The following PCDHA2 variants were observed in gnomAD, a reference collection of about 807,000 sequenced individuals.
PCDHA2 encodes the protein protocadherin alpha 2.
PCDHA2 carries 58 observed loss-of-function variants against 66.0 expected under a neutral mutation model. The ratio of observed to expected loss-of-function variants is 0.88; its 90% CI spans 0.71 to 1.09. The LOEUF (loss-of-function observed/expected upper bound fraction) is 1.09, where lower values mean the gene tolerates loss of function less well. PCDHA2 is among the 50% of genes least tolerant of loss of function. The pLI, the probability that PCDHA2 is intolerant of heterozygous loss-of-function variation, is 0.00. For synonymous variants in PCDHA2, 634 were observed against 554.0 expected (o/e 1.14, Z -2.03); for missense variants, 1,267 against 1,242.3 (o/e 1.02, Z -0.30).
At chr5:140,858,581 T>A in intron 1 of PCDHA2, 1 of 1,350,098 alleles carries the variant, frequency 7.4e-7, no homozygotes, top group Non-Finnish European at 1.0e-6. Flanking sequence ...CTTTGTAATA[T>A]AATTTATTCC....
intron 3 of PCDHA2, among the ~76,000 whole-genome samples, chr5:141,000,383 C>G (rs1324907388): frequency 4.7e-5 from 3 of 63,178 alleles, no homozygotes; most frequent in South Asian, 1.1e-3. Flanking sequence ...CTCTCTCTCT[C>G]TCTCTCTCTC....
intron 1 of PCDHA2, among the ~76,000 whole-genome samples, chr5:140,960,397 G>C (rs1322659184): frequency 6.6e-6 from 1 of 152,102 alleles, no homozygotes; most frequent in African/African-American, 2.4e-5. Flanking sequence ...AGGATGCAAG[G>C]GGGGGTGCCC....
At chr5:140,858,313 G>C (rs781800844) in intron 1 of PCDHA2, 2 of 1,597,108 alleles carry the variant, frequency 1.3e-6, no homozygotes, top group East Asian at 4.5e-5. Context: ...GGCGGCAGAG[G>C]GTGTGTTCTG....
intron 1 of PCDHA2, chr5:140,835,520 T>C (rs2150237441): frequency 5.6e-6 from 9 of 1,613,956 alleles, no homozygotes; most frequent in Non-Finnish European, 6.8e-6. Flanking sequence ...ACCGAGATTT[T>C]GGAGTCAACG....
Position 141,010,090 on chromosome 5 carries a change from C to A in PCDHA2, c.*153C>A. On this transcript the variant is annotated 3_prime_UTR_variant, in exon 4 of 4. Transcript: ENST00000526136. ...AAGTTCCCTGTGTCTGTCTAGAACG[C>A]ATTTAACAGGTTTTGTCGTAAAAGC... 1 of 1,612,636 alleles carries A rather than the reference C, an allele frequency of 6.2e-7. No homozygotes were observed. Among genetic ancestry groups the A allele is most frequent in the Non-Finnish European group, 8.5e-7 (1 of 1,179,276 alleles).
chr5:141,007,812 G>C (rs1446053616), intron 3 of PCDHA2, among the ~76,000 whole-genome samples: 2 of 152,078 alleles, frequency 1.3e-5, no homozygotes, highest in Non-Finnish European at 2.9e-5. Context: ...CCATTCATTT[G>C]CCTTCCCCCA....
At chr5:140,822,931 T>C (rs2150120508) in intron 1 of PCDHA2, 1 of 1,614,276 alleles carries the variant, frequency 6.2e-7, no homozygotes, top group Non-Finnish European at 8.5e-7. Flanking sequence ...GCAGGTGACC[T>C]GCTCCCTAAT....
At chr5:140,884,556 G>T in intron 1 of PCDHA2, 1 of 1,614,154 alleles carries the variant, frequency 6.2e-7, no homozygotes, top group Non-Finnish European at 8.5e-7. Context: ...TCTGGGGAGG[G>T]CCCGCATAAG....
At chr5:140,938,535 T>C (rs1213072173) in intron 1 of PCDHA2, among the ~76,000 whole-genome samples, 2 of 140,516 alleles carry the variant, frequency 1.4e-5, no homozygotes, top group African/African-American at 2.6e-5. Flanking sequence ...ATGGATAATA[T>C]GGATTTTTAT....
intron 1 of PCDHA2, chr5:140,807,781 A>G: frequency 3.7e-6 from 6 of 1,614,152 alleles, no homozygotes; most frequent in Non-Finnish European, 5.1e-6. Flanking sequence ...TATTACGGAA[A>G]TCTTTAGACA....
intron 1 of PCDHA2, chr5:140,927,041 T>G (rs1242687827): frequency 9.9e-6 from 16 of 1,612,338 alleles, no homozygotes; most frequent in Non-Finnish European, 1.0e-5. Context: ...GCGGCCGCTA[T>G]GTCCTCGCGG....
At chr5:140,885,270 A>G (rs251381) in intron 1 of PCDHA2, among the ~76,000 whole-genome samples, 102,023 of 151,894 alleles carry the variant, frequency 0.67, 34,437 homozygotes, top group Middle Eastern at 0.71. Flanking sequence ...ACTCATACAT[A>G]TATATATACA....
rs868958947 is a variant in PCDHA2 at position 140,854,334 on chromosome 5, C to T, written c.2388+56982C>T. On this transcript the variant is annotated intron_variant, in intron 1 of 3. Transcript: ENST00000526136. ...ATTGATCAATGGCAAACTTATTTTA[C>T]GCTCCAGATAGCTAAAACAAACGTT... The T allele has an allele frequency of 4.5e-5, 9 of 198,856 alleles. 1 individual carries two copies. The highest frequency in any genetic ancestry group is 1.9e-4 in the East Asian group (1 of 5,382). The allele number at this position is 198,856 out of a possible 1,614,324, so 12.3% of individuals were successfully genotyped here. A position where few individuals can be genotyped will look rare whatever the true frequency, so the allele number is the denominator to read the frequency against.
chr5:140,827,548 A>AT lies in PCDHA2; in HGVS notation c.2388+30202dup, dbSNP rs2150148168. Among the ~76,000 whole-genome samples, 146 of 152,260 alleles carry AT rather than the reference A, an allele frequency of 9.6e-4. 1 individual carries two copies. Among genetic ancestry groups the AT allele is most frequent in the African/African-American group, 3.4e-3 (141 of 41,546 alleles). On this transcript the variant is annotated intron_variant, in intron 1 of 3. Transcript: ENST00000526136. ...CCAAAATTTGATAATTTTAAGTTAC[A>AT]TTTTTTCCCTAGAGCACTATATAAT...
chr5:140,826,240 A>G (rs1198121014), intron 1 of PCDHA2, among the ~76,000 whole-genome samples: 5 of 152,228 alleles, frequency 3.3e-5, no homozygotes, highest in Admixed American at 2.6e-4. Context: ...AACTATTTAT[A>G]TATCTCTTTA....
intron 1 of PCDHA2, among the ~76,000 whole-genome samples, chr5:140,924,127 A>G (rs2081688492): frequency 6.6e-6 from 1 of 152,252 alleles, no homozygotes; most frequent in African/African-American, 2.4e-5. Flanking sequence ...CTTGCTTAGC[A>G]GCATTAATTT....
At chr5:140,909,812 A>T (rs1353892202) in intron 1 of PCDHA2, among the ~76,000 whole-genome samples, 1 of 151,982 alleles carries the variant, frequency 6.6e-6, no homozygotes, top group Non-Finnish European at 1.5e-5. Context: ...AAAACTCCAT[A>T]AGCCCCTACT....
chr5:140,987,858 T>C (rs1203158352), intron 3 of PCDHA2, among the ~76,000 whole-genome samples: 1 of 152,142 alleles, frequency 6.6e-6, no homozygotes, highest in African/African-American at 2.4e-5. Context: ...CCACATCTCT[T>C]TACTCTGTGG....
intron 1 of PCDHA2, chr5:140,927,773 A>C (rs143568645): frequency 6.2e-7 from 1 of 1,614,078 alleles, no homozygotes; most frequent in Non-Finnish European, 8.5e-7. Flanking sequence ...GGGGAGGTGC[A>C]AGTAGCTGCT....
Sources: allele counts gnomAD v4.1 joint callset (sites outside exome capture counted in the v4.1 genomes callset), GRCh38; gene constraint gnomAD v4.1.1; transcripts MANE v1.5; gene names NCBI Gene and HGNC (gene_info 2026-07-23, HGNC 2026-07-21).